Variants in MRTFB observed in about 807,000 individuals in gnomAD.
The protein encoded by MRTFB is myocardin related transcription factor B.
Under a neutral mutation model 104.2 loss-of-function variants are expected in MRTFB, and 29 were observed. The ratio of observed to expected loss-of-function variants is 0.28; its 90% CI spans 0.21 to 0.38. The LOEUF (loss-of-function observed/expected upper bound fraction) is 0.38, where lower values mean the gene tolerates loss of function less well. Among genes scored for constraint, MRTFB ranks in the 10% least tolerant of loss-of-function variants. The probability of loss-of-function intolerance (pLI) is 1.00; values close to 1 mark genes in which losing one functional copy is unlikely to be tolerated. For missense variants in MRTFB, 1,270 were observed against 1,341.6 expected (o/e 0.95, Z 0.83); for synonymous variants, 535 against 519.5 (o/e 1.03, Z -0.41).
intron 2 of MRTFB, among the ~76,000 whole-genome samples, chr16:14,124,274 T>A (rs992294042): frequency 1.3e-5 from 2 of 152,236 alleles, no homozygotes; most frequent in East Asian, 3.8e-4. Context: ...CTTGCCTGAT[T>A]GCTCTGGCCA....
chr16:14,147,157 G>C (rs2038359045), intron 3 of MRTFB, among the ~76,000 whole-genome samples: 1 of 152,212 alleles, frequency 6.6e-6, no homozygotes, highest in Non-Finnish European at 1.5e-5. Context: ...TCAGGAGTTA[G>C]AGTACTTACA....
intron 3 of MRTFB, chr16:14,152,761 G>A (rs926253817): frequency 1.3e-5 from 2 of 152,112 alleles, no homozygotes; most frequent in African/African-American, 4.8e-5. Flanking sequence ...CACATTGGGA[G>A]GACCAGGTTT....
At chr16:14,121,302 A>G (rs1009976925) in intron 2 of MRTFB, among the ~76,000 whole-genome samples, 5 of 151,144 alleles carry the variant, frequency 3.3e-5, no homozygotes, top group African/African-American at 1.2e-4. Context: ...TTTAAGTGCC[A>G]TTATTCTTTT....
chr16:14,161,164 T>C (rs2142901132), intron 3 of MRTFB, among the ~76,000 whole-genome samples: 1 of 150,982 alleles, frequency 6.6e-6, no homozygotes, highest in East Asian at 1.9e-4. Flanking sequence ...ATACATTTTT[T>C]TAAAAAATCA....
the MRTFB span, among the ~76,000 whole-genome samples, chr16:14,023,788 C>T: frequency 2.2e-4 from 33 of 152,134 alleles, no homozygotes; most frequent in African/African-American, 4.6e-4. Context: ...TGGTTGCTCA[C>T]GCCTGTAATC....
chr16:14,260,774 A>T lies in MRTFB; in HGVS notation c.2765-135A>T. 8 of 700,396 alleles carry T rather than the reference A, an allele frequency of 1.1e-5. No homozygotes were observed. The South Asian group carries it at 1.4e-4, about 12-fold the overall frequency. The allele number at this position is 700,396 out of a possible 1,614,324, so 43.4% of individuals were successfully genotyped here. A position where few individuals can be genotyped will look rare whatever the true frequency, so the allele number is the denominator to read the frequency against. ...TCAAGGATTGTACCTGACCAATAGCATTCTCTTCCTACTTCTAAGACGGAC... is the reference window on the plus strand; with the variant it reads ...TCAAGGATTGTACCTGACCAATAGCTTTCTCTTCCTACTTCTAAGACGGAC... On this transcript the variant is annotated intron_variant, in intron 16 of 16. Transcript: ENST00000571589.
At chr16:14,058,016 T>C in the MRTFB span, among the ~76,000 whole-genome samples, 1 of 152,102 alleles carries the variant, frequency 6.6e-6, no homozygotes, top group Non-Finnish European at 1.5e-5. Flanking sequence ...AAACCCAGAA[T>C]ACCCCGGAGC....
Position 14,260,955 on chromosome 16 carries a change from G to T in MRTFB, c.2811G>T (p.Met937Ile), listed in dbSNP as rs2043750878. 6.2e-7 allele frequency: 1 copy of T among 1,613,596 alleles called. No homozygotes were observed. Residue 937 changes from methionine to isoleucine, a missense_variant, in exon 17 of 17, where the codon ATG becomes ATT. Met to Ile is a conservative substitution (Grantham distance 10). Transcript: ENST00000571589. ...IKEEPSPISK[M>I]RPVTASITTM... ...AAGAACCTTCTCCTATTTCCAAAATGAGACCAGTGACAGCCAGCATCACCA... is the reference window on the plus strand; with the variant it reads ...AAGAACCTTCTCCTATTTCCAAAATTAGACCAGTGACAGCCAGCATCACCA...
chr16:14,158,265 T>C (rs909509523), intron 3 of MRTFB, among the ~76,000 whole-genome samples: 12 of 152,250 alleles, frequency 7.9e-5, no homozygotes, highest in Non-Finnish European at 4.4e-5. Flanking sequence ...TTTCTGCATA[T>C]TTCCACATTC....
the MRTFB span, among the ~76,000 whole-genome samples, chr16:14,027,447 C>G: frequency 6.6e-6 from 1 of 152,066 alleles, no homozygotes; most frequent in Non-Finnish European, 1.5e-5. Context: ...AAATCTTTAT[C>G]CTGAGCATGA....
chr16:14,022,118 A>G, the MRTFB span, among the ~76,000 whole-genome samples: 5 of 152,320 alleles, frequency 3.3e-5, no homozygotes, highest in East Asian at 7.7e-4. Flanking sequence ...TAAAGGCTAT[A>G]CTTTTAATCA....
At chr16:14,121,203 CTT>C (rs75728032) in intron 2 of MRTFB, among the ~76,000 whole-genome samples, 5 of 136,700 alleles carry the variant, frequency 3.7e-5, no homozygotes, top group Non-Finnish European at 4.8e-5. Context: ...GTTAATATGG[CTT>C]TTTTTTTTTT....
intron 2 of MRTFB, among the ~76,000 whole-genome samples, chr16:14,118,682 C>T (rs779795508): frequency 7.9e-5 from 12 of 151,690 alleles, no homozygotes; most frequent in South Asian, 4.2e-4. Flanking sequence ...CATGCCTGTA[C>T]ACACTATTGA....
intron 8 of MRTFB, among the ~76,000 whole-genome samples, chr16:14,227,291 C>A (rs867020245): frequency 1.0e-3 from 156 of 149,716 alleles, no homozygotes; most frequent in African/African-American, 3.8e-3. Context: ...AAAACAAAAA[C>A]AAAACAAAAA....
chr16:14,049,551 G>A, the MRTFB span, among the ~76,000 whole-genome samples: 5 of 152,108 alleles, frequency 3.3e-5, no homozygotes, highest in East Asian at 5.8e-4. Context: ...ATATGATTGC[G>A]GATTGGATCC....
the MRTFB span, among the ~76,000 whole-genome samples, chr16:14,006,204 G>A: frequency 6.6e-6 from 1 of 152,156 alleles, no homozygotes; most frequent in African/African-American, 2.4e-5. Flanking sequence ...TTAGCTGGGC[G>A]TGGTGGCGCA....
intron 3 of MRTFB, among the ~76,000 whole-genome samples, chr16:14,157,591 C>G (rs1337721935): frequency 6.6e-6 from 1 of 152,156 alleles, no homozygotes; most frequent in East Asian, 1.9e-4. Context: ...AGACAGGGAA[C>G]AGATGGGAAT....
chr16:14,250,323 C>T (rs140078645), intron 13 of MRTFB, among the ~76,000 whole-genome samples: 65 of 152,214 alleles, frequency 4.3e-4, no homozygotes, highest in African/African-American at 1.4e-3. Flanking sequence ...TGGTATAGAA[C>T]GTGTTAAGTA....
At chr16:14,169,102 C>CA (rs780969879) in intron 3 of MRTFB, among the ~76,000 whole-genome samples, 22 of 152,036 alleles carry the variant, frequency 1.4e-4, no homozygotes, top group Non-Finnish European at 2.4e-4. Flanking sequence ...ATGTATACCC[C>CA]ACTTGGATTC....
Sources: gnomAD v4.1 joint callset for allele counts (sites outside exome capture counted in the v4.1 genomes callset) on GRCh38, gnomAD v4.1.1 for gene constraint, MANE v1.5 for transcripts, NCBI Gene and HGNC (gene_info 2026-07-23, HGNC 2026-07-21) for gene names.